LIPN: variants seen among roughly 807,000 people sequenced by gnomAD.
LIPN encodes lipase member N.
LIPN carries 32 observed loss-of-function variants against 43.7 expected under a neutral mutation model. The ratio of observed to expected loss-of-function variants is 0.73; its 90% CI spans 0.55 to 0.98. The LOEUF (loss-of-function observed/expected upper bound fraction) is 0.98. LIPN is among the 50% of genes least tolerant of loss of function. The pLI, the probability that LIPN is intolerant of heterozygous loss-of-function variation, is 0.00. For synonymous variants in LIPN, 156 were observed against 157.6 expected (o/e 0.99, Z 0.08); for missense variants, 505 against 483.8 (o/e 1.04, Z -0.41).
intron 5 of LIPN, among the ~76,000 whole-genome samples, chr10:88,768,052 ACAC>A: frequency 6.8e-6 from 1 of 147,436 alleles, no homozygotes; most frequent in African/African-American, 2.5e-5. Context: ...ACACACACAC[ACAC>A]ACACACATGC....
intron 9 of LIPN, among the ~76,000 whole-genome samples, chr10:88,777,051 C>T (rs945939051): frequency 5.3e-5 from 8 of 152,012 alleles, no homozygotes; most frequent in African/African-American, 1.9e-4. Context: ...TACTCCTTAA[C>T]CTTGTACAAT....
chr10:88,775,219 T>A, intron 9 of LIPN, 56 bp downstream of exon 9: 4 of 1,282,722 alleles, frequency 3.1e-6, no homozygotes, highest in Non-Finnish European at 4.4e-6. Context: ...TAATAAAAAA[T>A]TATTTGAGGG....
At chr10:88,764,899 T>C (rs1018106275) in intron 4 of LIPN, among the ~76,000 whole-genome samples, 1 of 151,952 alleles carries the variant, frequency 6.6e-6, no homozygotes, top group Admixed American at 6.6e-5. Context: ...AATGTGCACA[T>C]TCATTCAGCC....
At chr10:88,777,452 T>A (rs146353852) in intron 9 of LIPN, among the ~76,000 whole-genome samples, 2 of 152,202 alleles carry the variant, frequency 1.3e-5, no homozygotes, top group East Asian at 1.9e-4. Flanking sequence ...TTCCATTAAC[T>A]GTTGCCCATA....
In LIPN at chr10:88,772,478, C is replaced by G. The variant is rs547110633; in HGVS notation, c.819+1487C>G. On this transcript the variant is annotated intron_variant, in intron 7 of 9. Coordinates refer to ENST00000404459, the MANE Select transcript of LIPN (RefSeq NM_001102469.2). ...ATTTCATTCTTCTGCATATGGATAT[C>G]TAGTTTTCCCAGCATCATTTCTTGT... 2.0e-5 allele frequency among the ~76,000 whole-genome samples: 3 copies of G among 151,990 alleles called. No homozygotes were observed. In the South Asian group the frequency reaches 6.2e-4, roughly 32 times the overall value.
At position 88,762,109 on chromosome 10, in the gene LIPN, A is replaced by C. The variant is rs367705347; in HGVS notation, c.109-79A>C. 7.2e-6 allele frequency: 5 copies of C among 690,066 alleles called. No individual in the cohort carries two copies. In the East Asian group the frequency reaches 1.4e-4, roughly 19 times the overall value. The allele number at this position is 690,066 out of a possible 1,614,324, so 42.7% of individuals were successfully genotyped here. A position where few individuals can be genotyped will look rare whatever the true frequency, so the allele number is the denominator to read the frequency against. On this transcript the variant is annotated intron_variant, in intron 2 of 9. Coordinates refer to ENST00000404459, the MANE Select transcript of LIPN (RefSeq NM_001102469.2). ...TTTCAGATAATTCACCCTAATAAGC[A>C]CACAACAGATGGTTTGTTTTGATTC...
intron 6 of LIPN, chr10:88,769,594 A>G: frequency 1.0e-6 from 1 of 984,158 alleles, no homozygotes; most frequent in Non-Finnish European, 1.2e-6. Context: ...CAAATTCCAG[A>G]TTGGCCTTTG....
chr10:88,762,214 C>T lies in LIPN; in HGVS notation c.135C>T (p.Tyr45=). 6.2e-7 allele frequency: 1 copy of T among 1,603,524 alleles called. No individual in the cohort carries two copies. Among genetic ancestry groups the T allele is most frequent in the Non-Finnish European group, 8.5e-7 (1 of 1,173,330 alleles). The change falls in exon 3 of 10, where the codon TAC becomes TAT. Residue 45 remains tyrosine (Y), a synonymous_variant. Coordinates refer to ENST00000404459, the MANE Select transcript of LIPN (RefSeq NM_001102469.2). ...GTGAAATCATCATCTACAATGGCTA[C>T]CCCAGTGAAGAGTATGAAGTCACCA... The part of the protein sequence containing the change: ...NTSEIIIYNG[Y]PSEEYEVTTE...
intron 3 of LIPN, among the ~76,000 whole-genome samples, chr10:88,762,769 G>A (rs778860504): frequency 2.0e-5 from 3 of 152,030 alleles, no homozygotes; most frequent in African/African-American, 7.2e-5. Flanking sequence ...AAATGACAAC[G>A]CATTTCTGAA....
At chr10:88,777,935 T>C in intron 9 of LIPN, 74 bp from the exon 10 acceptor site, 3 of 858,182 alleles carry the variant, frequency 3.5e-6, no homozygotes, top group Non-Finnish European at 5.7e-6. Flanking sequence ...ATTGTCCACA[T>C]TCATTTAGCA....
At chr10:88,773,194 A>G (rs1241909352) in intron 7 of LIPN, among the ~76,000 whole-genome samples, 1 of 151,850 alleles carries the variant, frequency 6.6e-6, no homozygotes, top group African/African-American at 2.4e-5. Context: ...TCTGCTATAC[A>G]TAGAAGATTA....
At chr10:88,777,287 C>T (rs905226585) in intron 9 of LIPN, among the ~76,000 whole-genome samples, 8 of 152,186 alleles carry the variant, frequency 5.3e-5, no homozygotes, top group African/African-American at 1.9e-4. Flanking sequence ...GGCTACTCCA[C>T]CTTCCACCTC....
intron 6 of LIPN, among the ~76,000 whole-genome samples, chr10:88,770,262 C>G (rs1396579382): frequency 6.6e-6 from 1 of 151,836 alleles, no homozygotes; most frequent in Non-Finnish European, 1.5e-5. Context: ...ATGGTTGCTT[C>G]TCTTTGGCTC....
Position 88,764,278 on chromosome 10 carries a change from T to C in LIPN, c.227-132T>C, listed in dbSNP as rs1480261893. 5 of 605,258 alleles carry C rather than the reference T, an allele frequency of 8.3e-6. No homozygotes were observed. In the East Asian group the frequency reaches 1.4e-4, roughly 17 times the overall value. The allele number at this position is 605,258 out of a possible 1,614,324, so 37.5% of individuals were successfully genotyped here. A position where few individuals can be genotyped will look rare whatever the true frequency, so the allele number is the denominator to read the frequency against. ...ACAAGGGAAAAGTGAAAACAGTTTT[T>C]GTTTTACCATGTGTGTATGTGTGTG... is the stretch of plus-strand genomic sequence containing the variant. On this transcript the variant is annotated intron_variant, in intron 3 of 9. Coordinates refer to ENST00000404459, the MANE Select transcript of LIPN (RefSeq NM_001102469.2).
intron 1 of LIPN, 81 bp from the exon 2 acceptor site, chr10:88,761,314 TTAA>T: frequency 1.2e-6 from 1 of 844,528 alleles, no homozygotes; most frequent in East Asian, 2.6e-5. Flanking sequence ...TCATTAATCA[TTAA>T]TAATTTCACT....
At position 88,769,372 on chromosome 10, in the gene LIPN, C is replaced by T. The variant is rs189315055; in HGVS notation, c.672+444C>T. Among the ~76,000 whole-genome samples the T allele has an allele frequency of 3.0e-3, 459 of 151,954 alleles. 1 individual carries two copies. Among genetic ancestry groups the T allele is most frequent in the Middle Eastern group, 0.014 (4 of 294 alleles). ...ATATTCCTTCCAATATGGAAACTTG[C>T]CCTAATAACTAAAGCTAAGATTCCA... On this transcript the variant is annotated intron_variant, in intron 6 of 9. Transcript: ENST00000404459.
chr10:88,765,454 T>C (rs987695817), intron 4 of LIPN, among the ~76,000 whole-genome samples: 3 of 151,928 alleles, frequency 2.0e-5, no homozygotes, highest in Non-Finnish European at 2.9e-5. Flanking sequence ...CAGGAAATAT[T>C]GAATCATTAG....
rs1165889429 is a variant in LIPN, at chr10:88,762,232, A to C, written c.153A>C (p.Glu51Asp). The C allele has an allele frequency of 6.2e-7, 1 of 1,609,512 alleles. No homozygotes were observed. The highest frequency in any genetic ancestry group is 8.5e-7 in the Non-Finnish European group (1 of 1,177,754). The change falls in exon 3 of 10, where the codon GAA (glutamate) becomes GAC (aspartate). Residue 51 changes from glutamate to aspartate, a missense_variant. Physicochemically the swap from Glu to Asp is conservative, Grantham distance 45. Transcript: ENST00000404459. ...IYNGYPSEEYEVTTEDGYILL... is the reference protein window; with the variant it reads ...IYNGYPSEEYDVTTEDGYILL... ...ATGGCTACCCCAGTGAAGAGTATGA[A>C]GTCACCACTGAAGATGGGTATATAC...
intron 9 of LIPN, among the ~76,000 whole-genome samples, chr10:88,775,826 T>C (rs951832712): frequency 6.6e-6 from 1 of 151,994 alleles, no homozygotes; most frequent in East Asian, 1.9e-4. Flanking sequence ...TTTTAAGTAT[T>C]TTCCCAGGCT....
Sources: gnomAD v4.1 joint callset for allele counts (sites outside exome capture counted in the v4.1 genomes callset) on GRCh38, gnomAD v4.1.1 for gene constraint, MANE v1.5 for transcripts, NCBI Gene and HGNC (gene_info 2026-07-23, HGNC 2026-07-21) for gene names.